Variants in NPAS3 observed in about 807,000 individuals in gnomAD.
NPAS3 encodes the protein neuronal PAS domain-containing protein 3.
A neutral mutation model predicts 73.1 loss-of-function variants in NPAS3; 14 were observed. The observed-to-expected ratio is 0.19, with a 90% confidence interval of 0.13 to 0.30. The LOEUF (loss-of-function observed/expected upper bound fraction) is 0.30. Ranked by LOEUF, NPAS3 falls within the 10% of genes least tolerant of loss-of-function variation. The pLI is 1.00. For missense variants in NPAS3, 1,096 were observed against 1,250.0 expected (o/e 0.88, Z 1.86); for synonymous variants, 620 against 541.5 (o/e 1.14, Z -2.01).
chr14:33,631,008 T>C (rs1290227944), intron 5 of NPAS3, among the ~76,000 whole-genome samples: 1 of 152,242 alleles, frequency 6.6e-6, no homozygotes, highest in African/African-American at 2.4e-5. Context: ...TTAGGGCTCT[T>C]ATTTACATTT....
chr14:33,242,958 T>TTTGA (rs1361958566), intron 3 of NPAS3, among the ~76,000 whole-genome samples: 2 of 152,148 alleles, frequency 1.3e-5, no homozygotes, highest in African/African-American at 4.8e-5. Flanking sequence ...ACAGTCTATA[T>TTTGA]TTGAAGGCTT....
intron 4 of NPAS3, among the ~76,000 whole-genome samples, chr14:33,375,543 A>G (rs1165474761): frequency 1.3e-5 from 2 of 152,148 alleles, no homozygotes; most frequent in Admixed American, 6.6e-5. Context: ...TTGCTTTTAA[A>G]TTTTCTTGAA....
chr14:33,019,086 T>C (rs1384135851), intron 1 of NPAS3, among the ~76,000 whole-genome samples: 1 of 152,230 alleles, frequency 6.6e-6, no homozygotes, highest in Non-Finnish European at 1.5e-5. Context: ...TTGCCCAGAT[T>C]CATAACATTC....
chr14:33,785,639 G>A (rs750332195), intron 9 of NPAS3, among the ~76,000 whole-genome samples: 2 of 151,952 alleles, frequency 1.3e-5, no homozygotes, highest in African/African-American at 4.8e-5. Context: ...TAACTTAAAT[G>A]AGTGGCATAG....
intron 6 of NPAS3, among the ~76,000 whole-genome samples, chr14:33,679,209 C>G (rs1304530624): frequency 1.3e-5 from 2 of 152,164 alleles, no homozygotes; most frequent in African/African-American, 4.8e-5. Flanking sequence ...ATGTGACTCT[C>G]ACCAGTAGAG....
At position 33,541,040 on chromosome 14, in the gene NPAS3, T is replaced by A. The variant is rs188164238; in HGVS notation, c.469-19081T>A. ...TATTAGGCATCCATGATCAACCAGT[T>A]CTATACCCAGTTATGTTTCAAGGAA... is the stretch of plus-strand genomic sequence containing the variant. On this transcript the variant is annotated intron_variant, in intron 4 of 11. Transcript: ENST00000356141. Among the ~76,000 whole-genome samples the A allele has an allele frequency of 1.2e-4, 18 of 152,072 alleles. No homozygotes were observed. The East Asian group carries it at 3.3e-3, about 28-fold the overall frequency.
chr14:33,799,920 A>T, exon 12 of NPAS3: 1 of 1,614,180 alleles, frequency 6.2e-7, no homozygotes, highest in Non-Finnish European at 8.5e-7. Flanking sequence ...TCGGACTTTG[A>T]GAACCCCAAG....
At chr14:33,632,649 C>A (rs1440861002) in intron 5 of NPAS3, among the ~76,000 whole-genome samples, 1 of 152,110 alleles carries the variant, frequency 6.6e-6, no homozygotes, top group Non-Finnish European at 1.5e-5. Context: ...AAGTCCAGTT[C>A]GTAATGCACA....
intron 2 of NPAS3, among the ~76,000 whole-genome samples, chr14:33,176,121 A>G (rs556104692): frequency 7.9e-5 from 12 of 152,336 alleles, no homozygotes; most frequent in Non-Finnish European, 1.5e-4. Flanking sequence ...TTTATACACT[A>G]TTAGTGAAGT....
chr14:33,259,301 TC>T (rs2048888993), intron 3 of NPAS3, among the ~76,000 whole-genome samples: 1 of 152,178 alleles, frequency 6.6e-6, no homozygotes, highest in South Asian at 2.1e-4. Flanking sequence ...TATTTTTTTT[TC>T]TCTGTAGAAG....
chr14:33,119,276 TG>T (rs1374326300), intron 2 of NPAS3, among the ~76,000 whole-genome samples: 1 of 152,120 alleles, frequency 6.6e-6, no homozygotes, highest in Admixed American at 6.5e-5. Context: ...TAAGAGGATT[TG>T]TTTTTTTTCC....
At chr14:33,775,888 G>C (rs1382641260) in intron 8 of NPAS3, among the ~76,000 whole-genome samples, 1 of 152,172 alleles carries the variant, frequency 6.6e-6, no homozygotes, top group Non-Finnish European at 1.5e-5. Flanking sequence ...CGTGTGCAAA[G>C]CTCATCACCT....
At chr14:33,544,521 A>T (rs921206517) in intron 4 of NPAS3, among the ~76,000 whole-genome samples, 2 of 151,740 alleles carry the variant, frequency 1.3e-5, no homozygotes, top group Non-Finnish European at 2.9e-5. Flanking sequence ...GAGCGCTCTC[A>T]CTATGTCTGT....
At chr14:33,247,522 G>A (rs562586274) in intron 3 of NPAS3, among the ~76,000 whole-genome samples, 3 of 152,088 alleles carry the variant, frequency 2.0e-5, no homozygotes, top group East Asian at 1.9e-4. Flanking sequence ...TGATCCTGGC[G>A]GTGCATGTGC....
At chr14:33,388,444 T>C (rs993401190) in intron 4 of NPAS3, among the ~76,000 whole-genome samples, 7 of 150,784 alleles carry the variant, frequency 4.6e-5, no homozygotes, top group African/African-American at 1.7e-4. Flanking sequence ...AAATAGGCAC[T>C]CGTGAAAAAA....
chr14:33,721,923 A>G (rs1345052812), intron 6 of NPAS3, among the ~76,000 whole-genome samples: 1 of 152,180 alleles, frequency 6.6e-6, no homozygotes, highest in African/African-American at 2.4e-5. Context: ...AGGACAGCCT[A>G]CTGATACTGA....
intron 2 of NPAS3, among the ~76,000 whole-genome samples, chr14:33,126,270 G>A (rs750959698): frequency 6.6e-6 from 1 of 152,176 alleles, no homozygotes; most frequent in Non-Finnish European, 1.5e-5. Flanking sequence ...TAAACAGTAA[G>A]TGGTAAACTG....
chr14:33,572,254 C>T (rs1362436397), intron 5 of NPAS3, among the ~76,000 whole-genome samples: 1 of 152,058 alleles, frequency 6.6e-6, no homozygotes, highest in Non-Finnish European at 1.5e-5. Flanking sequence ...TGAGCCTTAT[C>T]TCTTCATATT....
chr14:33,327,679 A>G (rs2043772832), intron 3 of NPAS3, among the ~76,000 whole-genome samples: 2 of 152,218 alleles, frequency 1.3e-5, no homozygotes, highest in African/African-American at 4.8e-5. Flanking sequence ...AGACAGGAGT[A>G]AAATTTGAAC....
Sources: gnomAD v4.1 joint callset for allele counts (sites outside exome capture counted in the v4.1 genomes callset) on GRCh38, gnomAD v4.1.1 for gene constraint, MANE v1.5 for transcripts, NCBI Gene and HGNC (gene_info 2026-07-23, HGNC 2026-07-21) for gene names.